SRSF4: variants seen among roughly 807,000 people sequenced by gnomAD.
SRSF4 encodes serine/arginine-rich splicing factor 4.
Under a neutral mutation model 48.8 loss-of-function variants are expected in SRSF4, and 12 were observed. The ratio of observed to expected loss-of-function variants is 0.25; its 90% CI spans 0.16 to 0.40. The LOEUF is 0.40. SRSF4 is among the 10% of genes least tolerant of loss of function. SRSF4 has a pLI of 1.00. For synonymous variants in SRSF4, 248 were observed against 232.5 expected, an observed-to-expected ratio of 1.07 and a Z score of -0.61; for missense variants, 466 against 667.1, an observed-to-expected ratio of 0.70 and a Z score of 3.32.
At chr1:29,156,510 G>A (rs181769177) in intron 3 of SRSF4, among the ~76,000 whole-genome samples, 3 of 152,116 alleles carry the variant, frequency 2.0e-5, no homozygotes, top group Admixed American at 2.0e-4. Flanking sequence ...ACCTTGAGTA[G>A]AAATTAGTAT....
chr1:29,168,173 C>A (rs1672695079), intron 1 of SRSF4, among the ~76,000 whole-genome samples: 1 of 150,266 alleles, frequency 6.7e-6, no homozygotes, highest in East Asian at 1.9e-4. Context: ...CACCACCATG[C>A]CCGGCAAATT....
At chr1:29,175,049 T>G (rs1228079508) in intron 1 of SRSF4, among the ~76,000 whole-genome samples, 1 of 150,642 alleles carries the variant, frequency 6.6e-6, no homozygotes, top group Non-Finnish European at 1.5e-5. Flanking sequence ...CATACCTGTA[T>G]GTGAAAAAAA....
In SRSF4 at chr1:29,149,094, G is replaced by A; in HGVS notation, c.801C>T (p.Ser267=). 2 of 1,613,478 alleles carry A rather than the reference G, an allele frequency of 1.2e-6. No homozygotes were observed. Among genetic ancestry groups the A allele is most frequent in the Non-Finnish European group, 1.7e-6 (2 of 1,179,952 alleles). Residue 267 remains serine, a synonymous_variant, in exon 6 of 6, where the codon AGC becomes AGT. Transcript: ENST00000373795. ...TCTCTTCAGCTTGGTCTTTGCTCTT[G>A]CTGCGGCTCTTGCCAGCGCTATGGC... is the stretch of plus-strand genomic sequence containing the variant. ...SRSHSAGKSR[S]KSKDQAEEKI...
intron 1 of SRSF4, among the ~76,000 whole-genome samples, chr1:29,161,805 G>A (rs1672601628): frequency 1.3e-5 from 2 of 152,160 alleles, no homozygotes; most frequent in Non-Finnish European, 2.9e-5. Context: ...TGCCATGTTG[G>A]CCAAGCTGGT....
Position 29,159,373 on chromosome 1 carries a change from C to A in SRSF4, c.363+1G>T, listed in dbSNP as rs765826005. 1 of 1,613,016 alleles carries A rather than the reference C, an allele frequency of 6.2e-7. No individual in the cohort carries two copies. Among genetic ancestry groups the A allele is most frequent in the Non-Finnish European group, 8.5e-7 (1 of 1,179,220 alleles). On this transcript the variant is annotated splice_donor_variant, in intron 3 of 5. Coordinates refer to ENST00000373795, the MANE Select transcript of SRSF4 (RefSeq NM_005626.5). LOFTEE classifies it high-confidence loss of function. Reference sequence around the variant, plus strand: ...CCCCAAAAGGTTAATGGGGCCCAAACCTTTAGGTCTTGCCAGCTGCACCGA... The same window carrying A: ...CCCCAAAAGGTTAATGGGGCCCAAAACTTTAGGTCTTGCCAGCTGCACCGA...
intron 1 of SRSF4, among the ~76,000 whole-genome samples, chr1:29,175,673 C>T (rs1191866623): frequency 9.6e-6 from 1 of 103,718 alleles, no homozygotes. Flanking sequence ...CCAGCCTGGG[C>T]GACAGAGCCA....
At chr1:29,176,884 AAAT>A (rs1200141262) in intron 1 of SRSF4, among the ~76,000 whole-genome samples, 2 of 152,248 alleles carry the variant, frequency 1.3e-5, no homozygotes, top group Non-Finnish European at 2.9e-5. Context: ...TCTGAAGTTT[AAAT>A]CCAAGTTTCC....
In SRSF4 at chr1:29,150,051, G is replaced by C. The variant is rs182711992; in HGVS notation, c.668+52C>G. 13 of 1,460,792 alleles carry C rather than the reference G, an allele frequency of 8.9e-6. No homozygotes were observed. In the East Asian group the frequency reaches 2.3e-4, roughly 26 times the overall value. 90.5% of individuals were successfully genotyped at this position (1,460,792 alleles called of 1,614,324 possible). On this transcript the variant is annotated intron_variant, in intron 5 of 5. Transcript: ENST00000373795. ...AAAAAAAAGAAAAAAAAGTGAGACAGGGTACAGGCATTCCCTGCTGACCAC... is the reference window on the plus strand; with the variant it reads ...AAAAAAAAGAAAAAAAAGTGAGACACGGTACAGGCATTCCCTGCTGACCAC...
chr1:29,149,966 T>C (rs1672381014), intron 5 of SRSF4, 137 bp downstream of exon 5: 1 of 678,694 alleles, frequency 1.5e-6, no homozygotes, highest in African/African-American at 1.8e-5. Context: ...GAGGTGAGGC[T>C]GCAGTGAGCC....
chr1:29,180,225 T>C (rs778454119), intron 1 of SRSF4, among the ~76,000 whole-genome samples: 20 of 152,200 alleles, frequency 1.3e-4, no homozygotes, highest in Non-Finnish European at 2.9e-4. Flanking sequence ...AAGTTAGTTA[T>C]GCTGTCAATT....
intron 5 of SRSF4, among the ~76,000 whole-genome samples, chr1:29,149,627 G>A (rs980532353): frequency 1.3e-5 from 2 of 150,062 alleles, no homozygotes; most frequent in African/African-American, 2.5e-5. Flanking sequence ...GTTGCAGTGA[G>A]CCGAGATCGC....
chr1:29,181,233 G>A (rs992499472), intron 1 of SRSF4, among the ~76,000 whole-genome samples: 2 of 152,228 alleles, frequency 1.3e-5, no homozygotes, highest in African/African-American at 2.4e-5. Context: ...AGAGGTGAAA[G>A]GGAGCAGGAA....
intron 1 of SRSF4, 43 bp from the exon 2 acceptor site, chr1:29,160,560 A>AT: frequency 6.4e-7 from 1 of 1,555,978 alleles, no homozygotes; most frequent in Non-Finnish European, 8.7e-7. Flanking sequence ...CCATTTTGAC[A>AT]TCCAGCTTCA....
At chr1:29,166,485 A>G (rs1672671323) in intron 1 of SRSF4, among the ~76,000 whole-genome samples, 1 of 152,184 alleles carries the variant, frequency 6.6e-6, no homozygotes, top group Non-Finnish European at 1.5e-5. Flanking sequence ...TCAGGCCCTC[A>G]CAGAAGAATT....
chr1:29,180,913 G>A (rs1000220986), intron 1 of SRSF4, among the ~76,000 whole-genome samples: 1 of 152,210 alleles, frequency 6.6e-6, no homozygotes, highest in African/African-American at 2.4e-5. Flanking sequence ...AGCCAGGGTG[G>A]CCACTATTCT....
Position 29,150,197 on chromosome 1 carries a change from G to T in SRSF4, c.579-5C>A, listed in dbSNP as rs780693327. The T allele has an allele frequency of 6.2e-7, 1 of 1,613,032 alleles. No individual in the cohort carries two copies. On this transcript the variant is annotated splice_region_variant and splice_polypyrimidine_tract_variant and intron_variant, in intron 4 of 5. Coordinates refer to ENST00000373795, the MANE Select transcript of SRSF4 (RefSeq NM_005626.5). ...TGTCTGCTTCGAGAGCGAGACCTAGGGGGAGAAAATATTTTTTAATACTTG... is the reference window on the plus strand; with the variant it reads ...TGTCTGCTTCGAGAGCGAGACCTAGTGGGAGAAAATATTTTTTAATACTTG...
In SRSF4 at chr1:29,148,619, C is replaced by G; in HGVS notation, c.1276G>C (p.Glu426Gln). The G allele has an allele frequency of 2.5e-6, 4 of 1,614,110 alleles. No individual in the cohort carries two copies. The highest frequency in any genetic ancestry group is 3.4e-6 in the Non-Finnish European group (4 of 1,179,994). ...GCATTCTCACTCTCTCCTCGACCTT[C>G]CCTCTGGCTGGATTCAGACTTGGCA... ...EHAKSESSQR[E>Q]GRGESENAGT... Residue 426 changes from glutamate (E) to glutamine (Q), a missense_variant, in exon 6 of 6, where the codon GAA (glutamate) becomes CAA (glutamine). Transcript: ENST00000373795.
At chr1:29,161,965 T>C (rs968780803) in intron 1 of SRSF4, among the ~76,000 whole-genome samples, 1 of 152,238 alleles carries the variant, frequency 6.6e-6, no homozygotes, top group Non-Finnish European at 1.5e-5. Context: ...TTGTGGAATT[T>C]TTCCTTTACT....
chr1:29,158,091 C>T (rs1443669259), intron 3 of SRSF4, among the ~76,000 whole-genome samples: 1 of 151,984 alleles, frequency 6.6e-6, no homozygotes, highest in African/African-American at 2.4e-5. Flanking sequence ...ACTACTTGAA[C>T]CCCAGAGGCG....
Sources: gnomAD v4.1 joint callset for allele counts (sites outside exome capture counted in the v4.1 genomes callset) on GRCh38, gnomAD v4.1.1 for gene constraint, MANE v1.5 for transcripts, NCBI Gene and HGNC (gene_info 2026-07-23, HGNC 2026-07-21) for gene names.